The following ANKRD44 variants were observed in gnomAD, a reference collection of about 807,000 sequenced individuals.
ANKRD44 encodes the protein serine/threonine-protein phosphatase 6 regulatory ankyrin repeat subunit B.
In ANKRD44, 35 loss-of-function variants were observed where a neutral mutation model predicts 116.0. The ratio of observed to expected loss-of-function variants is 0.30; its 90% CI spans 0.23 to 0.40. The LOEUF (loss-of-function observed/expected upper bound fraction) is 0.40. Among genes scored for constraint, ANKRD44 ranks in the 10% least tolerant of loss-of-function variants. ANKRD44 has a pLI of 1.00. For synonymous variants in ANKRD44, 435 were observed against 461.8 expected (o/e 0.94, Z 0.74); for missense variants, 1,014 against 1,242.6 (o/e 0.82, Z 2.77).
intron 1 of ANKRD44, among the ~76,000 whole-genome samples, chr2:197,260,156 C>T (rs1020871457): frequency 9.2e-5 from 14 of 152,052 alleles, no homozygotes; most frequent in East Asian, 3.8e-4. Flanking sequence ...CATATGTATA[C>T]GTGTGCCATG....
intron 16 of ANKRD44, among the ~76,000 whole-genome samples, chr2:197,034,475 C>T (rs1172113202): frequency 6.7e-6 from 1 of 148,374 alleles, no homozygotes; most frequent in East Asian, 2.0e-4. Context: ...TCTAGTATGT[C>T]ACCATGGACT....
At chr2:197,163,544 G>A (rs2080020772) in intron 2 of ANKRD44, among the ~76,000 whole-genome samples, 1 of 152,208 alleles carries the variant, frequency 6.6e-6, no homozygotes, top group African/African-American at 2.4e-5. Context: ...GAAACTACTG[G>A]TGTGGAACAT....
intron 1 of ANKRD44, among the ~76,000 whole-genome samples, chr2:197,273,983 ATATAT>A (rs1559208372): frequency 0.022 from 617 of 28,138 alleles, 93 homozygotes; most frequent in Non-Finnish European, 0.027. Flanking sequence ...AAAAAAAAAT[ATATAT>A]ATATATATAT....
intron 16 of ANKRD44, among the ~76,000 whole-genome samples, chr2:197,062,374 T>A (rs574445983): frequency 4.6e-5 from 7 of 152,224 alleles, no homozygotes; most frequent in Non-Finnish European, 8.8e-5. Context: ...CATGAGGTTA[T>A]CAGAGCTTAA....
chr2:197,089,821 A>G, intron 11 of ANKRD44, 129 bp downstream of exon 11: 1 of 694,168 alleles, frequency 1.4e-6, no homozygotes, highest in South Asian at 1.9e-5. Context: ...GCTGAGAAAT[A>G]CAACTCATCC....
chr2:196,968,256 G>A (rs1031515584), intron 21 of ANKRD44, among the ~76,000 whole-genome samples: 7 of 152,144 alleles, frequency 4.6e-5, no homozygotes, highest in South Asian at 2.1e-4. Flanking sequence ...ATTGGTTGAC[G>A]GAAAATATTA....
At chr2:197,197,256 G>A (rs1183001449) in intron 1 of ANKRD44, among the ~76,000 whole-genome samples, 1 of 152,182 alleles carries the variant, frequency 6.6e-6, no homozygotes, top group South Asian at 2.1e-4. Context: ...AGCAGGAAGA[G>A]AGAGGAGCCT....
chr2:197,099,763 G>C, intron 10 of ANKRD44, 53 bp downstream of exon 10: 1 of 1,605,158 alleles, frequency 6.2e-7, no homozygotes, highest in Non-Finnish European at 8.5e-7. Flanking sequence ...GAATCTTTTT[G>C]GCAGTATTCC....
intron 1 of ANKRD44, among the ~76,000 whole-genome samples, chr2:197,189,365 A>C (rs2080766654): frequency 6.6e-6 from 1 of 152,190 alleles, no homozygotes; most frequent in Admixed American, 6.5e-5. Flanking sequence ...ATTGCCAACA[A>C]TTAAGTAGCA....
chr2:197,086,628 C>T, intron 13 of ANKRD44, 52 bp downstream of exon 13: 1 of 1,554,418 alleles, frequency 6.4e-7, no homozygotes, highest in East Asian at 2.2e-5. Flanking sequence ...ACATAGACCA[C>T]TCCCAGTTCC....
chr2:197,022,173 G>A (rs2076509895), intron 17 of ANKRD44, among the ~76,000 whole-genome samples: 1 of 152,132 alleles, frequency 6.6e-6, no homozygotes, highest in South Asian at 2.1e-4. Flanking sequence ...CAAGTTAATT[G>A]CTACTGAGGC....
At chr2:197,031,078 A>G (rs1175373891) in intron 16 of ANKRD44, among the ~76,000 whole-genome samples, 5 of 152,108 alleles carry the variant, frequency 3.3e-5, no homozygotes, top group African/African-American at 1.2e-4. Flanking sequence ...CTAAAAATCT[A>G]CTTTACCTCT....
At chr2:197,044,904 T>G (rs2076974710) in intron 16 of ANKRD44, among the ~76,000 whole-genome samples, 1 of 152,210 alleles carries the variant, frequency 6.6e-6, no homozygotes, top group Non-Finnish European at 1.5e-5. Flanking sequence ...CCGCATTTAT[T>G]CATTGTAACA....
chr2:197,310,477 A>C, intron 1 of ANKRD44, 101 bp downstream of exon 1: 1 of 854,094 alleles, frequency 1.2e-6, no homozygotes, highest in Non-Finnish European at 1.4e-6. Context: ...GCCGCGAGTA[A>C]ACAGCTCGCG....
intron 11 of ANKRD44, 123 bp from the exon 12 acceptor site, chr2:197,088,897 A>C: frequency 9.6e-7 from 1 of 1,039,132 alleles, no homozygotes; most frequent in Non-Finnish European, 1.4e-6. Context: ...AATGCAAGCA[A>C]TTGTAGTCAG....
chr2:197,116,355 G>T (rs2078707131), intron 8 of ANKRD44, among the ~76,000 whole-genome samples: 1 of 152,176 alleles, frequency 6.6e-6, no homozygotes, highest in Non-Finnish European at 1.5e-5. Flanking sequence ...TTCCTTTGAA[G>T]GATTCACAGG....
intron 1 of ANKRD44, among the ~76,000 whole-genome samples, chr2:197,306,423 C>T (rs543148141): frequency 6.6e-6 from 1 of 152,152 alleles, no homozygotes; most frequent in Non-Finnish European, 1.5e-5. Flanking sequence ...AGGATTAAGA[C>T]ATGATTCACT....
rs1295449662 is a variant in ANKRD44, at chr2:197,083,376, C to G, written c.1450G>C (p.Asp484His). Residue 484 changes from aspartate to histidine, a missense_variant, in exon 14 of 28, where the codon GAT (aspartate) becomes CAT (histidine). Asp to His is a moderately conservative substitution (Grantham distance 81). Coordinates refer to ENST00000282272, the MANE Select transcript of ANKRD44 (RefSeq NM_001195144.2). ...ALHYAAASDM[D>H]RNKTILGNAH... ...GAGCAAGGCTGTTTTTACTTTCTATCCATGTCTGATGCAGCGGCGTAATGC... is the reference window on the plus strand; with the variant it reads ...GAGCAAGGCTGTTTTTACTTTCTATGCATGTCTGATGCAGCGGCGTAATGC... 6.2e-7 allele frequency: 1 copy of G among 1,612,416 alleles called. No individual in the cohort carries two copies. The highest frequency in any genetic ancestry group is 8.5e-7 in the Non-Finnish European group (1 of 1,179,468).
At chr2:197,069,306 G>C (rs1447327722) in intron 16 of ANKRD44, among the ~76,000 whole-genome samples, 1 of 152,056 alleles carries the variant, frequency 6.6e-6, no homozygotes, top group Non-Finnish European at 1.5e-5. Context: ...TTGTGGGGTG[G>C]GGGGAGTGGG....
Sources: gnomAD v4.1 joint callset for allele counts (sites outside exome capture counted in the v4.1 genomes callset) on GRCh38, gnomAD v4.1.1 for gene constraint, MANE v1.5 for transcripts, NCBI Gene and HGNC (gene_info 2026-07-23, HGNC 2026-07-21) for gene names.